DNAH11: variants seen among roughly 807,000 people sequenced by gnomAD.
DNAH11 encodes dynein axonemal heavy chain 11.
DNAH11 carries 442 observed loss-of-function variants against 526.0 expected under a neutral mutation model. That is an observed-to-expected ratio of 0.84 (90% CI 0.78 to 0.91). DNAH11 has a LOEUF of 0.91. Ranked by LOEUF, DNAH11 falls within the 40% of genes least tolerant of loss-of-function variation. DNAH11 has a pLI of 0.00. For synonymous variants in DNAH11, 2,461 were observed against 1,935.9 expected (o/e 1.27, Z -7.12); for missense variants, 6,989 against 5,448.7 (o/e 1.28, Z -8.90).
chr7:21,660,163 G>A (rs56214761), intron 30 of DNAH11, among the ~76,000 whole-genome samples: 143 of 151,928 alleles, frequency 9.4e-4, no homozygotes, highest in African/African-American at 3.4e-3. Flanking sequence ...TTTTTTTCAT[G>A]GACATAAATA....
At position 21,627,660 on chromosome 7, in the gene DNAH11, A is replaced by G. The variant is rs530139159; in HGVS notation, c.4500+7582A>G. Reference sequence around the variant, plus strand: ...CTGTGTCTGTTATTATGCCAGTACTATGCTGATTTGGTTACTGTAGCTTTG... The same window carrying G: ...CTGTGTCTGTTATTATGCCAGTACTGTGCTGATTTGGTTACTGTAGCTTTG... On this transcript the variant is annotated intron_variant, in intron 25 of 81. Transcript: ENST00000409508. Among the ~76,000 whole-genome samples the G allele has an allele frequency of 3.9e-5, 6 of 152,264 alleles. No individual in the cohort carries two copies. In the East Asian group the frequency reaches 5.8e-4, roughly 15 times the overall value.
In DNAH11 at chr7:21,765,610, T is replaced by TCACACACACA. The variant is rs3219983; in HGVS notation, c.9102+61_9102+70dup. On this transcript the variant is annotated intron_variant, in intron 55 of 81. Coordinates refer to ENST00000409508, the MANE Select transcript of DNAH11 (RefSeq NM_001277115.2). Reference sequence around the variant, plus strand: ...TTGAGGTATGCCGTGTCAGCCTGCGTCACACACACACACACACACACACAC... The same window carrying TCACACACACA: ...TTGAGGTATGCCGTGTCAGCCTGCGTCACACACACACACACACACACACACACACACACAC... 6.2e-3 allele frequency: 5,878 copies of TCACACACACA among 955,768 alleles called. 93 individuals carry two copies. The highest frequency in any genetic ancestry group is 0.022 in the Admixed American group (809 of 36,370). The allele number at this position is 955,768 out of a possible 1,614,324, so 59.2% of individuals were successfully genotyped here.
intron 42 of DNAH11, among the ~76,000 whole-genome samples, chr7:21,715,996 T>C (rs1235980798): frequency 6.6e-6 from 1 of 151,978 alleles, no homozygotes; most frequent in Non-Finnish European, 1.5e-5. Flanking sequence ...GCTAGTGGGA[T>C]CGGTAGATTT....
At chr7:21,767,792 T>C (rs1319179424) in intron 55 of DNAH11, among the ~76,000 whole-genome samples, 1 of 152,198 alleles carries the variant, frequency 6.6e-6, no homozygotes, top group Non-Finnish European at 1.5e-5. Flanking sequence ...GCTTTTAAGT[T>C]TTTTGAATGA....
chr7:21,857,085 A>G (rs141094905), intron 68 of DNAH11, among the ~76,000 whole-genome samples: 75 of 152,296 alleles, frequency 4.9e-4, no homozygotes, highest in African/African-American at 1.8e-3. Flanking sequence ...GAAACTCACC[A>G]AAACCCTGCC....
intron 74 of DNAH11, among the ~76,000 whole-genome samples, chr7:21,878,181 G>A (rs555781816): frequency 6.6e-6 from 1 of 152,292 alleles, no homozygotes; most frequent in South Asian, 2.1e-4. Flanking sequence ...CTGTGGAATG[G>A]TAGGTAGACT....
At chr7:21,676,550 G>A (rs1243877627) in intron 30 of DNAH11, among the ~76,000 whole-genome samples, 1 of 152,174 alleles carries the variant, frequency 6.6e-6, no homozygotes, top group Non-Finnish European at 1.5e-5. Flanking sequence ...TTGATACACA[G>A]TATAAGATCC....
chr7:21,856,332 T>C (rs1782847768), intron 68 of DNAH11, among the ~76,000 whole-genome samples: 1 of 152,162 alleles, frequency 6.6e-6, no homozygotes, highest in Non-Finnish European at 1.5e-5. Flanking sequence ...GGACTGGTTA[T>C]GGGCAATAAT....
chr7:21,619,199 G>A lies in DNAH11; in HGVS notation c.4354G>A (p.Val1452Met). 1 of 1,613,238 alleles carries A rather than the reference G, an allele frequency of 6.2e-7. No individual in the cohort carries two copies. The highest frequency in any genetic ancestry group is 1.1e-5 in the South Asian group (1 of 90,998). The change falls in exon 24 of 82, where the codon GTG (valine) becomes ATG (methionine). Residue 1452 changes from valine to methionine, a missense_variant. Val to Met is a conservative substitution (Grantham distance 21). Transcript: ENST00000409508. The stretch of plus-strand genomic sequence containing the variant: ...TGTCCGAAGGATTGTGGACAAGGCG[G>A]TGAAAGAGCTGGGGACTGAGAAGGT... ...DDVRRIVDKA[V>M]KELGTEKVIT... is the part of the protein sequence containing the mutation.
chr7:21,698,882 C>G (rs1220354248), intron 36 of DNAH11, among the ~76,000 whole-genome samples: 2 of 152,106 alleles, frequency 1.3e-5, no homozygotes, highest in Non-Finnish European at 2.9e-5. Context: ...ACTAAAACTA[C>G]CATTTCATTT....
At chr7:21,759,087 G>A (rs988160156) in intron 54 of DNAH11, among the ~76,000 whole-genome samples, 4 of 152,174 alleles carry the variant, frequency 2.6e-5, no homozygotes, top group African/African-American at 9.7e-5. Context: ...CGCAGTCTGT[G>A]ACCAGTGCAG....
rs534960327 is a variant in DNAH11, at chr7:21,881,983, T to G, written c.12387+1090T>G. 6.6e-5 allele frequency among the ~76,000 whole-genome samples: 10 copies of G among 152,370 alleles called. No homozygotes were observed. In the South Asian group the frequency reaches 1.9e-3, roughly 28 times the overall value. On this transcript the variant is annotated intron_variant, in intron 75 of 81. Coordinates refer to ENST00000409508, the MANE Select transcript of DNAH11 (RefSeq NM_001277115.2). Reference sequence around the variant, plus strand: ...CTTTGAGCATATTTTGACCATTCTATTAAATAGTAATATTTTTGTGTTGAT... The same window carrying G: ...CTTTGAGCATATTTTGACCATTCTAGTAAATAGTAATATTTTTGTGTTGAT...
intron 65 of DNAH11, among the ~76,000 whole-genome samples, chr7:21,840,317 G>A (rs909868096): frequency 6.6e-6 from 1 of 152,192 alleles, no homozygotes; most frequent in African/African-American, 2.4e-5. Flanking sequence ...CAATGAGATA[G>A]GCAATAAATA....
rs72657315 is a variant in DNAH11 at position 21,619,127 on chromosome 7, A to G, written c.4282A>G (p.Thr1428Ala). 3,901 of 1,613,654 alleles carry G rather than the reference A, an allele frequency of 2.4e-3. 29 individuals are homozygous for G. Among genetic ancestry groups the G allele is most frequent in the Middle Eastern group, 0.022 (136 of 6,058 alleles). The change falls in exon 24 of 82, where the codon ACT (threonine) becomes GCT (alanine). Residue 1428 changes from threonine to alanine, a missense_variant. Coordinates refer to ENST00000409508, the MANE Select transcript of DNAH11 (RefSeq NM_001277115.2). ...GVKFLINEAT[T>A]LADLLALRLH... ...CAAGTTTTTAATAAATGAAGCCACA[A>G]CTTTGGCAGATTTGTTAGCACTGCG...
intron 46 of DNAH11, among the ~76,000 whole-genome samples, chr7:21,736,351 C>G (rs1005796387): frequency 5.3e-5 from 8 of 152,046 alleles, no homozygotes; most frequent in African/African-American, 1.9e-4. Context: ...TGGGGCATTC[C>G]CAGAGTTAGG....
chr7:21,889,069 TCCCCTATA>T (rs1784236601), intron 76 of DNAH11, among the ~76,000 whole-genome samples: 3 of 151,500 alleles, frequency 2.0e-5, no homozygotes, highest in Non-Finnish European at 2.9e-5. Context: ...CACCCCATAT[TCCCCTATA>T]CCCCAGCCCA....
intron 57 of DNAH11, among the ~76,000 whole-genome samples, chr7:21,779,483 C>T (rs1317974709): frequency 6.6e-6 from 1 of 152,146 alleles, no homozygotes; most frequent in Non-Finnish European, 1.5e-5. Flanking sequence ...AAGCCCATTC[C>T]GTCACTTTGC....
At chr7:21,612,994 A>G (rs1009872510) in intron 20 of DNAH11, among the ~76,000 whole-genome samples, 3 of 152,234 alleles carry the variant, frequency 2.0e-5, no homozygotes, top group African/African-American at 7.2e-5. Context: ...TTTTTTACCT[A>G]ATAAAAGAAT....
At chr7:21,720,665 T>A in intron 43 of DNAH11, 60 bp from the exon 44 acceptor site, 1 of 1,487,496 alleles carries the variant, frequency 6.7e-7, no homozygotes, top group Non-Finnish European at 9.0e-7. Flanking sequence ...GTAAAAATAT[T>A]CTTTGAACTT....
Sources: allele counts gnomAD v4.1 joint callset (sites outside exome capture counted in the v4.1 genomes callset), GRCh38; gene constraint gnomAD v4.1.1; transcripts MANE v1.5; gene names NCBI Gene and HGNC (gene_info 2026-07-23, HGNC 2026-07-21).